The following ATP8B1 variants were observed in gnomAD, a reference collection of about 807,000 sequenced individuals.
ATP8B1 encodes the protein ATPase phospholipid transporting 8B1.
ATP8B1 carries 80 observed loss-of-function variants against 149.9 expected under a neutral mutation model. That is an observed-to-expected ratio of 0.53 (90% CI 0.45 to 0.64). ATP8B1 has a LOEUF of 0.64. Ranked by LOEUF, ATP8B1 falls within the 30% of genes least tolerant of loss-of-function variation. ATP8B1 has a pLI of 0.00. For synonymous variants in ATP8B1, 536 were observed against 562.8 expected (o/e 0.95, Z 0.67); for missense variants, 1,247 against 1,552.6 (o/e 0.80, Z 3.31).
At chr18:57,680,301 A>AAAAAAAAAAAAAAAAAAAAAAAC (rs1911874145) in intron 15 of ATP8B1, among the ~76,000 whole-genome samples, 1 of 124,946 alleles carries the variant, frequency 8.0e-6, no homozygotes, top group Non-Finnish European at 1.7e-5. Context: ...AAAAAAAAAA[A>AAAAAAAAAAAAAAAAAAAAAAAC]AGACTGGGTG....
intron 6 of ATP8B1, among the ~76,000 whole-genome samples, chr18:57,699,133 G>T (rs1912982794): frequency 6.6e-6 from 1 of 152,194 alleles, no homozygotes; most frequent in Non-Finnish European, 1.5e-5. Flanking sequence ...GCTAAAAATA[G>T]TAACTAAGGC....
rs368698002 is a variant in ATP8B1 at position 57,661,676 on chromosome 18, T to TACACACAC, written c.2419-222_2419-215dup. On this transcript the variant is annotated intron_variant, in intron 21 of 27. Transcript: ENST00000648908. ...ACATATATGTATGTGTGTATGTATATACACACACACACACACACACATATA... is the reference window on the plus strand; with the variant it reads ...ACATATATGTATGTGTGTATGTATATACACACACACACACACACACACACACACATATA... Among the ~76,000 whole-genome samples the TACACACAC allele has an allele frequency of 0.16, 16,468 of 99,874 alleles. 1,894 individuals carry two copies. Among genetic ancestry groups the TACACACAC allele is most frequent in the East Asian group, 0.45 (970 of 2,164 alleles). 65.5% of individuals were successfully genotyped at this position (99,874 alleles called of 152,430 possible).
intron 1 of ATP8B1, among the ~76,000 whole-genome samples, chr18:57,744,040 C>T (rs967911369): frequency 3.9e-5 from 6 of 152,018 alleles, no homozygotes; most frequent in African/African-American, 7.2e-5. Context: ...CTGGGCCGAA[C>T]GCGGTGGCTC....
intron 1 of ATP8B1, among the ~76,000 whole-genome samples, chr18:57,753,010 G>T (rs75663160): frequency 6.6e-6 from 1 of 152,062 alleles, no homozygotes; most frequent in East Asian, 1.9e-4. Flanking sequence ...CACTGTCTCC[G>T]GCCCCCAGGG....
At chr18:57,656,461 C>G (rs1426917434) in intron 22 of ATP8B1, among the ~76,000 whole-genome samples, 2 of 150,526 alleles carry the variant, frequency 1.3e-5, no homozygotes, top group Non-Finnish European at 2.9e-5. Flanking sequence ...TCTTGGCTCA[C>G]TGCAACCTCT....
chr18:57,775,436 A>C (rs1279295605), intron 1 of ATP8B1, among the ~76,000 whole-genome samples: 1 of 151,896 alleles, frequency 6.6e-6, no homozygotes, highest in Admixed American at 6.6e-5. Context: ...GGAAAGACAG[A>C]AGAAGGAAGA....
intron 1 of ATP8B1, among the ~76,000 whole-genome samples, chr18:57,753,875 C>T (rs2080047895): frequency 7.2e-6 from 1 of 138,902 alleles, no homozygotes; most frequent in Non-Finnish European, 1.5e-5. Flanking sequence ...TTGCAGTGAG[C>T]TGAGATCATG....
chr18:57,684,037 A>G lies in ATP8B1; in HGVS notation c.1629T>C (p.Asp543=), dbSNP rs1395829087. ...VCHTVMVDRT[D]GQLNYQAASP... is the part of the protein sequence containing the mutation. ...CTGAGATGCCAGAGAAACACTCACC[A>G]TCAGTCCTATCCACCATGACTGTGT... Residue 543 remains aspartate (D), a splice_region_variant and synonymous_variant, in exon 15 of 28, where the codon GAT becomes GAC. Coordinates refer to ENST00000648908, the MANE Select transcript of ATP8B1 (RefSeq NM_001374385.1). 1 of 1,614,196 alleles carries G rather than the reference A, an allele frequency of 6.2e-7. No homozygotes were observed. The highest frequency in any genetic ancestry group is 8.5e-7 in the Non-Finnish European group (1 of 1,180,032).
At chr18:57,757,335 C>A (rs1437047330) in intron 1 of ATP8B1, among the ~76,000 whole-genome samples, 3 of 152,102 alleles carry the variant, frequency 2.0e-5, no homozygotes, top group Non-Finnish European at 4.4e-5. Context: ...TCAAGTTGTA[C>A]CTCTCCTGCC....
chr18:57,679,406 TA>T (rs1568192837), intron 15 of ATP8B1, among the ~76,000 whole-genome samples: 1 of 151,652 alleles, frequency 6.6e-6, no homozygotes, highest in African/African-American at 2.4e-5. Context: ...AAAAACAAAC[TA>T]AAAAAACAAA....
chr18:57,719,290 C>T (rs1483323840), intron 2 of ATP8B1, among the ~76,000 whole-genome samples: 2 of 152,218 alleles, frequency 1.3e-5, no homozygotes, highest in African/African-American at 4.8e-5. Flanking sequence ...CTCCGGTCTA[C>T]AGCTCCCAGC....
intron 2 of ATP8B1, among the ~76,000 whole-genome samples, chr18:57,731,161 G>A (rs1440548833): frequency 6.6e-6 from 1 of 151,884 alleles, no homozygotes; most frequent in Non-Finnish European, 1.5e-5. Context: ...ACAAAAATTA[G>A]TTGGACATAC....
intron 1 of ATP8B1, among the ~76,000 whole-genome samples, chr18:57,779,316 G>GA (rs35813912): frequency 0.11 from 15,819 of 143,174 alleles, 887 homozygotes; most frequent in Middle Eastern, 0.26. Context: ...CCCTCCCTCA[G>GA]AAAAAAAAAA....
At position 57,646,929 on chromosome 18, in the gene ATP8B1, G is replaced by GA. The variant is rs1299139601; in HGVS notation, c.*1558dup. 5.3e-5 allele frequency: 8 copies of GA among 152,378 alleles called. No homozygotes were observed. Among genetic ancestry groups the GA allele is most frequent in the African/African-American group, 1.9e-4 (8 of 41,542 alleles). 9.4% of individuals were successfully genotyped at this position (152,378 alleles called of 1,614,324 possible). A position where few individuals can be genotyped will look rare whatever the true frequency, so the allele number is the denominator to read the frequency against. On this transcript the variant is annotated 3_prime_UTR_variant, in exon 28 of 28. Coordinates refer to ENST00000648908, the MANE Select transcript of ATP8B1 (RefSeq NM_001374385.1). ...AGACACAGAATGAGAAAAATGTCTG[G>GA]AAAAAAATTACTTTCTCCTCTTTGA...
chr18:57,669,271 A>G (rs755486232), intron 18 of ATP8B1, 47 bp downstream of exon 18: 3 of 1,535,606 alleles, frequency 2.0e-6, no homozygotes, highest in Admixed American at 2.1e-5. Context: ...AAAAATTTCA[A>G]TTCTGCTTAG....
chr18:57,688,115 C>A (rs755947876), intron 13 of ATP8B1, among the ~76,000 whole-genome samples, 184 bp downstream of exon 13: 1 of 152,194 alleles, frequency 6.6e-6, no homozygotes, highest in African/African-American at 2.4e-5. Context: ...TCCTCTCCCA[C>A]GCATGTGTCC....
intron 13 of ATP8B1, among the ~76,000 whole-genome samples, chr18:57,685,528 A>G (rs1333746760): frequency 1.3e-5 from 2 of 152,116 alleles, no homozygotes; most frequent in East Asian, 1.9e-4. Context: ...GCTATTAAGT[A>G]TATTTAAAAT....
chr18:57,701,322 A>AT lies in ATP8B1; in HGVS notation c.394-10dup. ...GAGATTTGAGGAACTGCCTAAAAGA[A>AT]TAAAAGGGCTTATGTGTGTGTCCAT... On this transcript the variant is annotated splice_polypyrimidine_tract_variant and intron_variant, in intron 4 of 27. Transcript: ENST00000648908. 6.2e-7 allele frequency: 1 copy of AT among 1,609,332 alleles called. No homozygotes were observed. Among genetic ancestry groups the AT allele is most frequent in the Non-Finnish European group, 8.5e-7 (1 of 1,175,588 alleles).
At chr18:57,778,656 G>A (rs1421652158) in intron 1 of ATP8B1, among the ~76,000 whole-genome samples, 1 of 152,170 alleles carries the variant, frequency 6.6e-6, no homozygotes, top group South Asian at 2.1e-4. Flanking sequence ...CCACCTCCAA[G>A]CTCACTCACA....
Sources: allele counts gnomAD v4.1 joint callset (sites outside exome capture counted in the v4.1 genomes callset), GRCh38; gene constraint gnomAD v4.1.1; transcripts MANE v1.5; gene names NCBI Gene and HGNC (gene_info 2026-07-23, HGNC 2026-07-21).